DOCK3: variants seen among roughly 807,000 people sequenced by gnomAD.
DOCK3 encodes the protein dedicator of cytokinesis 3, also known as dedicator of cytokinesis protein 3.
A neutral mutation model predicts 265.6 loss-of-function variants in DOCK3; 60 were observed. The ratio of observed to expected loss-of-function variants is 0.23; its 90% CI spans 0.18 to 0.28. The LOEUF (loss-of-function observed/expected upper bound fraction) is 0.28, where lower values mean the gene tolerates loss of function less well. DOCK3 is among the 10% of genes least tolerant of loss of function. The pLI is 1.00. For synonymous variants in DOCK3, 881 were observed against 938.0 expected, an observed-to-expected ratio of 0.94 and a Z score of 1.11; for missense variants, 1,981 against 2,594.3, an observed-to-expected ratio of 0.76 and a Z score of 5.14.
At chr3:50,679,323 A>G (rs1450512172) in intron 1 of DOCK3, among the ~76,000 whole-genome samples, 2 of 152,018 alleles carry the variant, frequency 1.3e-5, no homozygotes, top group African/African-American at 4.8e-5. Flanking sequence ...TTTTTTATTA[A>G]TCCCTCTTAG....
At chr3:51,160,056 A>C (rs1319709918) in intron 11 of DOCK3, among the ~76,000 whole-genome samples, 1 of 152,246 alleles carries the variant, frequency 6.6e-6, no homozygotes, top group African/African-American at 2.4e-5. Context: ...AAGCAGGAAA[A>C]GTAAACACTC....
At chr3:50,859,741 G>A (rs2046812421) in intron 3 of DOCK3, among the ~76,000 whole-genome samples, 1 of 152,080 alleles carries the variant, frequency 6.6e-6, no homozygotes, top group Non-Finnish European at 1.5e-5. Context: ...GGTATTTTTG[G>A]TGTTGAAGTT....
At position 51,314,967 on chromosome 3, in the gene DOCK3, T is replaced by C; in HGVS notation, c.3254-13T>C. The C allele has an allele frequency of 6.3e-7, 1 of 1,594,736 alleles. No homozygotes were observed. The highest frequency in any genetic ancestry group is 1.1e-5 in the South Asian group (1 of 88,706). Reference sequence around the variant, plus strand: ...CAAAGCAGGCATAAACTAATTTGGGTTTTGTTTTTCAGGTGAACATAAGAT... The same window carrying C: ...CAAAGCAGGCATAAACTAATTTGGGCTTTGTTTTTCAGGTGAACATAAGAT... On this transcript the variant is annotated splice_polypyrimidine_tract_variant and intron_variant, in intron 31 of 52. Coordinates refer to ENST00000266037, the MANE Select transcript of DOCK3 (RefSeq NM_004947.5).
At chr3:51,331,775 TAGC>T (rs2084534700) in intron 33 of DOCK3, among the ~76,000 whole-genome samples, 2 of 152,058 alleles carry the variant, frequency 1.3e-5, no homozygotes, top group East Asian at 3.9e-4. Context: ...CTGAGCAACA[TAGC>T]AGGACCCCAT....
At chr3:51,038,207 C>T (rs140640850) in intron 5 of DOCK3, among the ~76,000 whole-genome samples, 25 of 152,274 alleles carry the variant, frequency 1.6e-4, no homozygotes, top group African/African-American at 5.5e-4. Context: ...TAGGGCACAT[C>T]TCTGCTGGTA....
At chr3:50,716,779 TA>T (rs1576211227) in intron 1 of DOCK3, among the ~76,000 whole-genome samples, 3 of 151,966 alleles carry the variant, frequency 2.0e-5, no homozygotes, top group Admixed American at 6.6e-5. Flanking sequence ...TGACTTTTTT[TA>T]AATTTGGATC....
Position 51,146,600 on chromosome 3 carries a change from G to C in DOCK3, c.798G>C (p.Glu266Asp), listed in dbSNP as rs747121911. The stretch of plus-strand genomic sequence containing the variant: ...AGAATGGTGGGCCGAGGAACCCAGA[G>C]AAGATAGAACGAATGTGTGCCCTTT... ...LNKNGGPRNPEKIERMCALFT... is the reference protein window; with the variant it reads ...LNKNGGPRNPDKIERMCALFT... Residue 266 changes from glutamate (E) to aspartate (D), a missense_variant, in exon 10 of 53, where the codon GAG becomes GAC. Coordinates refer to ENST00000266037, the MANE Select transcript of DOCK3 (RefSeq NM_004947.5). The C allele has an allele frequency of 6.3e-7, 1 of 1,597,716 alleles. No homozygotes were observed. Among genetic ancestry groups the C allele is most frequent in the East Asian group, 2.2e-5 (1 of 44,482 alleles).
chr3:51,372,627 A>G (rs1475562670), intron 49 of DOCK3, among the ~76,000 whole-genome samples: 1 of 152,228 alleles, frequency 6.6e-6, no homozygotes, highest in African/African-American at 2.4e-5. Context: ...TGAGCAAGAC[A>G]GTATACCAGG....
chr3:51,202,020 G>A (rs937323035), intron 12 of DOCK3, among the ~76,000 whole-genome samples: 1 of 152,168 alleles, frequency 6.6e-6, no homozygotes, highest in Non-Finnish European at 1.5e-5. Flanking sequence ...CACATTTAAA[G>A]CAGTGTGTAG....
At chr3:51,360,697 G>A in intron 47 of DOCK3, 65 bp downstream of exon 47, 1 of 1,601,332 alleles carries the variant, frequency 6.2e-7, no homozygotes, top group Non-Finnish European at 8.5e-7. Context: ...AAGGGTCAGA[G>A]GAAAGAGTCC....
intron 18 of DOCK3, among the ~76,000 whole-genome samples, 187 bp from the exon 19 acceptor site, chr3:51,229,325 C>A (rs972700656): frequency 6.6e-6 from 1 of 152,172 alleles, no homozygotes; most frequent in Non-Finnish European, 1.5e-5. Context: ...ATGGCGCATG[C>A]CTGTAATCCC....
intron 35 of DOCK3, among the ~76,000 whole-genome samples, chr3:51,334,545 TCCC>T (rs2084741963): frequency 6.6e-6 from 1 of 152,138 alleles, no homozygotes. Context: ...GTCTTAAGCA[TCCC>T]CCCATTCTGT....
At chr3:51,216,084 A>G (rs928321748) in intron 14 of DOCK3, among the ~76,000 whole-genome samples, 1 of 152,056 alleles carries the variant, frequency 6.6e-6, no homozygotes, top group Non-Finnish European at 1.5e-5. Flanking sequence ...GTGGTGGAGT[A>G]TATTCCAAGG....
rs534949214 is a variant in DOCK3 at position 51,238,034 on chromosome 3, C to T, written c.2102+444C>T. On this transcript the variant is annotated intron_variant, in intron 21 of 52. Transcript: ENST00000266037. ...TAGCTTATTTCACTCAGCATAATGT[C>T]TTCAAGGCTCATCCATGTTTTAGCA... Among the ~76,000 whole-genome samples, 5 of 148,646 alleles carry T rather than the reference C, an allele frequency of 3.4e-5. 1 individual carries two copies. The South Asian group carries it at 1.1e-3, about 32-fold the overall frequency.
At chr3:50,793,676 T>C (rs2042616724) in intron 2 of DOCK3, among the ~76,000 whole-genome samples, 1 of 152,150 alleles carries the variant, frequency 6.6e-6, no homozygotes, top group Non-Finnish European at 1.5e-5. Context: ...TAATTTTCTT[T>C]TCAAAAATTC....
chr3:50,914,337 C>G (rs2050011405), intron 4 of DOCK3, among the ~76,000 whole-genome samples: 1 of 151,912 alleles, frequency 6.6e-6, no homozygotes, highest in Non-Finnish European at 1.5e-5. Flanking sequence ...GCATTGATTT[C>G]TATAAACTTT....
chr3:50,884,528 GAT>G (rs2048230982), intron 3 of DOCK3, among the ~76,000 whole-genome samples: 1 of 152,140 alleles, frequency 6.6e-6, no homozygotes, highest in African/African-American at 2.4e-5. Context: ...TGATAATTCA[GAT>G]AGGTTTTTTT....
At chr3:51,069,233 T>G (rs1454321656) in intron 6 of DOCK3, among the ~76,000 whole-genome samples, 1 of 152,204 alleles carries the variant, frequency 6.6e-6, no homozygotes, top group Admixed American at 6.5e-5. Context: ...GTGTTCAAAT[T>G]AACTAGTCAT....
chr3:51,207,377 G>A (rs980398658), intron 12 of DOCK3, among the ~76,000 whole-genome samples: 2 of 152,160 alleles, frequency 1.3e-5, no homozygotes, highest in Non-Finnish European at 2.9e-5. Flanking sequence ...TTCAGTAGGG[G>A]AGGTAATTTT....
Sources: gnomAD v4.1 joint callset for allele counts (sites outside exome capture counted in the v4.1 genomes callset) on GRCh38, gnomAD v4.1.1 for gene constraint, MANE v1.5 for transcripts, NCBI Gene and HGNC (gene_info 2026-07-23, HGNC 2026-07-21) for gene names.